Variants in NAP1L1 observed in about 807,000 individuals in gnomAD.
The protein encoded by NAP1L1 is nucleosome assembly protein 1-like 1.
Under a neutral mutation model 58.9 loss-of-function variants are expected in NAP1L1, and 9 were observed. The observed-to-expected ratio is 0.15, with a 90% CI of 0.09 to 0.27. NAP1L1 has a LOEUF of 0.27. NAP1L1 is among the 10% of genes least tolerant of loss of function. NAP1L1 has a pLI of 1.00. For missense variants in NAP1L1, 302 were observed against 458.8 expected (o/e 0.66, Z 3.12); for synonymous variants, 130 against 138.3 (o/e 0.94, Z 0.42).
Position 76,037,053 on chromosome 12 carries a change from G to A in NAP1L1, c.*11376C>T, listed in dbSNP as rs374574705. ...ACTGCACTCCAGCCTGGGCAACAGA[G>A]CGAGAATCTGTCTCAAAATAAATAA... On this transcript the variant is annotated 3_prime_UTR_variant, in exon 15 of 15. Transcript: ENST00000618691. 6.6e-6 allele frequency: 1 copy of A among 152,234 alleles called. No individual in the cohort carries two copies. The highest frequency in any genetic ancestry group is 1.5e-5 in the Non-Finnish European group (1 of 68,080). 9.4% of individuals were successfully genotyped at this position (152,234 alleles called of 1,614,324 possible). A position where few individuals can be genotyped will look rare whatever the true frequency, so the allele number is the denominator to read the frequency against.
Position 76,056,158 on chromosome 12 carries a change from C to T in NAP1L1, c.433G>A (p.Glu145Lys). ...TCAATCTTGGCCTTTTCTTTCAATT[C>T]CTCCTTGATTAAGTGACAGCAAACA... Reference protein sequence around the residue: ...KPDEEDEISEELKEKAKIEDE... With the variant: ...KPDEEDEISEKLKEKAKIEDE... The change falls in exon 7 of 15, where the codon GAA becomes AAA. Residue 145 changes from glutamate (E) to lysine (K), a missense_variant. Coordinates refer to ENST00000618691, the MANE Select transcript of NAP1L1 (RefSeq NM_004537.7). The T allele has an allele frequency of 6.2e-7, 1 of 1,609,742 alleles. No individual in the cohort carries two copies. Among genetic ancestry groups the T allele is most frequent in the African/African-American group, 1.3e-5 (1 of 74,536 alleles).
chr12:76,053,411 A>G (rs1948932549), intron 9 of NAP1L1, 61 bp from the exon 10 acceptor site: 2 of 1,553,662 alleles, frequency 1.3e-6, no homozygotes, highest in South Asian at 1.2e-5. Flanking sequence ...CTAAACTTTT[A>G]GAAGTAAATG....
chr12:76,075,629 T>C (rs1316180194), intron 1 of NAP1L1, among the ~76,000 whole-genome samples: 1 of 152,212 alleles, frequency 6.6e-6, no homozygotes, highest in African/African-American at 2.4e-5. Flanking sequence ...CTAGTGATGC[T>C]GGGTAATGAG....
rs566985660 is a variant in NAP1L1, at chr12:76,048,444, C to A, written c.1161G>T (p.Glu387Asp). 1 of 1,613,686 alleles carries A rather than the reference C, an allele frequency of 6.2e-7. No homozygotes were observed. Among genetic ancestry groups the A allele is most frequent in the East Asian group, 2.2e-5 (1 of 44,866 alleles). The change falls in exon 15 of 15, where the codon GAG becomes GAT. Residue 387 changes from glutamate (E) to aspartate (D), a missense_variant. Physicochemically the swap from Glu to Asp is conservative, Grantham distance 45. Coordinates refer to ENST00000618691, the MANE Select transcript of NAP1L1 (RefSeq NM_004537.7). ...YDPKKDQNPAECKQQ is the reference protein window; with the variant it reads ...YDPKKDQNPADCKQQ ...ACATCCTGCTTCACTGCTGCTTGCA[C>A]TCTGCTGGGTTTTGATCCTTCTGTT...
In NAP1L1 at chr12:76,053,073, T is replaced by C. The variant is rs569274270; in HGVS notation, c.936+18A>G. ...AATATACTTAACAATTCAATAAATA[T>C]ATAACAATTCAACTTACCAGATCTC... On this transcript the variant is annotated intron_variant, in intron 11 of 14. Coordinates refer to ENST00000618691, the MANE Select transcript of NAP1L1 (RefSeq NM_004537.7). 5 of 1,594,148 alleles carry C rather than the reference T, an allele frequency of 3.1e-6. No homozygotes were observed. The highest frequency in any genetic ancestry group is 2.7e-5 in the African/African-American group (2 of 74,046).
rs1948551666 is a variant in NAP1L1 at position 76,041,655 on chromosome 12, GACA to G, written c.*6771_*6773del. ...ATAGCACCTCAGGAGGTTGAGGTGA[GACA>G]ACCACTTGAGCCCAGGAGTTAGACA... On this transcript the variant is annotated 3_prime_UTR_variant, in exon 15 of 15. Coordinates refer to ENST00000618691, the MANE Select transcript of NAP1L1 (RefSeq NM_004537.7). 6.6e-6 allele frequency: 1 copy of G among 152,138 alleles called. No individual in the cohort carries two copies. The highest frequency in any genetic ancestry group is 6.6e-5 in the Admixed American group (1 of 15,262). The allele number at this position is 152,138 out of a possible 1,614,324, so 9.4% of individuals were successfully genotyped here. A position where few individuals can be genotyped will look rare whatever the true frequency, so the allele number is the denominator to read the frequency against.
chr12:76,083,598 TA>T (rs1950493832), intron 1 of NAP1L1, among the ~76,000 whole-genome samples: 1 of 150,106 alleles, frequency 6.7e-6, no homozygotes, highest in Admixed American at 6.7e-5. Context: ...ACTCCCCAAA[TA>T]AAAAACCCTG....
chr12:76,056,226 G>C, intron 6 of NAP1L1, 65 bp from the exon 7 acceptor site: 1 of 1,509,954 alleles, frequency 6.6e-7, no homozygotes, highest in Non-Finnish European at 8.9e-7. Context: ...AGTAGCAAAG[G>C]TATAAAAACC....
intron 4 of NAP1L1, among the ~76,000 whole-genome samples, chr12:76,066,201 A>G (rs1464203530): frequency 6.6e-6 from 1 of 151,844 alleles, no homozygotes; most frequent in Admixed American, 6.5e-5. Flanking sequence ...CTGGAAGCCT[A>G]CGTACAACTA....
chr12:76,067,477 T>TAA lies in NAP1L1; in HGVS notation c.104-6_104-5dup, dbSNP rs3214625. On this transcript the variant is annotated splice_polypyrimidine_tract_variant and splice_region_variant and intron_variant, in intron 3 of 14. Transcript: ENST00000618691. The stretch of plus-strand genomic sequence containing the variant: ...ATCTGAACAGTTAGCTGACGTGCTT[T>TAA]AAAAAAAAAAGGGCATCGAAAGAAG... The TAA allele has an allele frequency of 2.6e-3, 3,585 of 1,404,848 alleles. No homozygotes were observed. Among genetic ancestry groups the TAA allele is most frequent in the Non-Finnish European group, 2.9e-3 (2,948 of 1,031,016 alleles). The allele number at this position is 1,404,848 out of a possible 1,614,324, so 87.0% of individuals were successfully genotyped here.
intron 6 of NAP1L1, among the ~76,000 whole-genome samples, chr12:76,059,195 G>T (rs1005193302): frequency 7.2e-5 from 11 of 152,182 alleles, no homozygotes; most frequent in African/African-American, 2.7e-4. Context: ...GTATGTTTAT[G>T]TTTAAAGATG....
chr12:76,053,171 C>T (rs1948921655), intron 10 of NAP1L1, 34 bp downstream of exon 10: 1 of 1,611,716 alleles, frequency 6.2e-7, no homozygotes. Flanking sequence ...TTTTATAAAA[C>T]AACCGTTAAT....
intron 3 of NAP1L1, 178 bp from the exon 4 acceptor site, chr12:76,067,651 C>T (rs779331599): frequency 1.0e-5 from 5 of 492,080 alleles, no homozygotes; most frequent in African/African-American, 1.9e-5. Context: ...ACCCAATGTT[C>T]AGGAATAATT....
chr12:76,050,687 AG>A, intron 11 of NAP1L1, 34 bp from the exon 12 acceptor site: 1 of 1,590,818 alleles, frequency 6.3e-7, no homozygotes, highest in Non-Finnish European at 8.5e-7. Context: ...CAGAAAATTT[AG>A]GAATAACTGT....
chr12:76,057,578 A>C, intron 6 of NAP1L1: 1 of 979,272 alleles, frequency 1.0e-6, no homozygotes. Flanking sequence ...GCTGACTGCA[A>C]AGGAGACCCA....
At position 76,043,238 on chromosome 12, in the gene NAP1L1, T is replaced by C. The variant is rs1948567585; in HGVS notation, c.*5191A>G. The C allele has an allele frequency of 6.6e-6, 1 of 152,118 alleles. No individual in the cohort carries two copies. The highest frequency in any genetic ancestry group is 1.5e-5 in the Non-Finnish European group (1 of 68,020). The allele number at this position is 152,118 out of a possible 1,614,324, so 9.4% of individuals were successfully genotyped here. The stretch of plus-strand genomic sequence containing the variant: ...TATCAATCATGTCTTCCTTTAAAAA[T>C]TATCTTTCAGCCAGGTGCAGTGGCT... On this transcript the variant is annotated 3_prime_UTR_variant, in exon 15 of 15. Coordinates refer to ENST00000618691, the MANE Select transcript of NAP1L1 (RefSeq NM_004537.7).
At position 76,039,270 on chromosome 12, in the gene NAP1L1, T is replaced by C. The variant is rs1375625573; in HGVS notation, c.*9159A>G. The C allele has an allele frequency of 6.6e-6, 1 of 152,210 alleles. No individual in the cohort carries two copies. The highest frequency in any genetic ancestry group is 2.4e-5 in the African/African-American group (1 of 41,460). The allele number at this position is 152,210 out of a possible 1,614,324, so 9.4% of individuals were successfully genotyped here. A position where few individuals can be genotyped will look rare whatever the true frequency, so the allele number is the denominator to read the frequency against. ...TCTTCTTTTTACAGGAGAGGTTGGATGCCAGTAGCCTTTAGCCTCCTTCAG... is the reference window on the plus strand; with the variant it reads ...TCTTCTTTTTACAGGAGAGGTTGGACGCCAGTAGCCTTTAGCCTCCTTCAG... On this transcript the variant is annotated 3_prime_UTR_variant, in exon 15 of 15. Coordinates refer to ENST00000618691, the MANE Select transcript of NAP1L1 (RefSeq NM_004537.7).
chr12:76,065,410 T>G (rs1339258316), intron 4 of NAP1L1, among the ~76,000 whole-genome samples: 3 of 152,014 alleles, frequency 2.0e-5, no homozygotes, highest in Non-Finnish European at 4.4e-5. Context: ...TGTGGTATAA[T>G]GTAATGTGGA....
intron 6 of NAP1L1, chr12:76,057,659 T>C (rs1949179528): frequency 2.1e-6 from 3 of 1,425,126 alleles, no homozygotes; most frequent in Middle Eastern, 2.4e-4. Context: ...TCATTACCAA[T>C]AGAGTACTGT....
Sources: allele counts gnomAD v4.1 joint callset (sites outside exome capture counted in the v4.1 genomes callset), GRCh38; gene constraint gnomAD v4.1.1; transcripts MANE v1.5; gene names NCBI Gene and HGNC (gene_info 2026-07-23, HGNC 2026-07-21).